Variants in HEMK2 observed in about 807,000 individuals in gnomAD.
HEMK2 encodes HemK methyltransferase 2, ETF1 glutamine and histone H4 lysine.
chr21:28,639,475 T>C, the HEMK2 span, among the ~76,000 whole-genome samples: 1,059 of 152,168 alleles, frequency 7.0e-3, 15 homozygotes, highest in African/African-American at 0.024. Context: ...GGAAATCAGG[T>C]AATAATAGAA....
chr21:28,596,439 C>T, the HEMK2 span, among the ~76,000 whole-genome samples: 1 of 152,200 alleles, frequency 6.6e-6, no homozygotes, highest in Non-Finnish European at 1.5e-5. Flanking sequence ...TAAATCCCTA[C>T]ATTTTGTTCT....
chr21:28,744,488 A>G, the HEMK2 span, among the ~76,000 whole-genome samples: 1 of 152,288 alleles, frequency 6.6e-6, no homozygotes, highest in East Asian at 1.9e-4. Context: ...GTAGTTTTTC[A>G]TTCTCTGACT....
chr21:28,783,061 T>C, the HEMK2 span, among the ~76,000 whole-genome samples: 1 of 152,186 alleles, frequency 6.6e-6, no homozygotes, highest in East Asian at 1.9e-4. Flanking sequence ...CAGAAGTATT[T>C]TGGATTTTGG....
the HEMK2 span, among the ~76,000 whole-genome samples, chr21:28,801,450 T>C: frequency 6.6e-6 from 1 of 152,040 alleles, no homozygotes; most frequent in East Asian, 1.9e-4. Context: ...AATTTTGAAC[T>C]AGGGAAGATC....
chr21:28,675,459 A>G, the HEMK2 span, among the ~76,000 whole-genome samples: 2 of 152,222 alleles, frequency 1.3e-5, no homozygotes, highest in Admixed American at 1.3e-4. Flanking sequence ...GTGACTGCCA[A>G]CAAGACTGTC....
the HEMK2 span, among the ~76,000 whole-genome samples, chr21:28,728,912 T>C: frequency 0.49 from 74,724 of 152,016 alleles, 20,879 homozygotes; most frequent in East Asian, 0.78. Context: ...GTGCCCACTC[T>C]CCACCCTCCA....
the HEMK2 span, among the ~76,000 whole-genome samples, chr21:28,638,706 G>A: frequency 6.6e-6 from 1 of 152,082 alleles, no homozygotes; most frequent in Non-Finnish European, 1.5e-5. Context: ...CAGTCAGCTG[G>A]CAAATTGTCT....
chr21:28,613,616 A>ATTTTTTTTTTTTTT, the HEMK2 span, among the ~76,000 whole-genome samples: 1 of 47,026 alleles, frequency 2.1e-5, no homozygotes, highest in African/African-American at 9.9e-5. Context: ...CTTTCTGCAT[A>ATTTTTTTTTTTTTT]TTCTTTTTTT....
the HEMK2 span, among the ~76,000 whole-genome samples, chr21:28,732,581 G>T: frequency 6.6e-6 from 1 of 152,018 alleles, no homozygotes; most frequent in Non-Finnish European, 1.5e-5. Flanking sequence ...CTCTTCCCTC[G>T]CCCAGAAAAA....
chr21:28,858,855 A>C, the HEMK2 span, among the ~76,000 whole-genome samples: 1 of 152,194 alleles, frequency 6.6e-6, no homozygotes, highest in Non-Finnish European at 1.5e-5. Context: ...TCTAAAACAT[A>C]ACAACAAAAC....
the HEMK2 span, among the ~76,000 whole-genome samples, chr21:28,831,778 T>C: frequency 8.1e-6 from 1 of 123,518 alleles, no homozygotes. Context: ...AAAGAAACAG[T>C]ATCACCTTTC....
At chr21:28,604,657 A>G in the HEMK2 span, among the ~76,000 whole-genome samples, 2 of 152,238 alleles carry the variant, frequency 1.3e-5, no homozygotes, top group South Asian at 2.1e-4. Context: ...TAGAAGTTCT[A>G]TAAGTTGTAA....
the HEMK2 span, among the ~76,000 whole-genome samples, chr21:28,729,177 G>A: frequency 6.6e-6 from 1 of 152,160 alleles, no homozygotes; most frequent in Admixed American, 6.5e-5. Flanking sequence ...AACATGGGCA[G>A]GTGCGAAAGC....
chr21:28,787,695 A>G, the HEMK2 span, among the ~76,000 whole-genome samples: 7 of 152,340 alleles, frequency 4.6e-5, no homozygotes, highest in East Asian at 1.3e-3. Flanking sequence ...CATAATCAAA[A>G]AATGAAAAAA....
At chr21:28,777,379 T>C in the HEMK2 span, among the ~76,000 whole-genome samples, 24 of 152,234 alleles carry the variant, frequency 1.6e-4, no homozygotes, top group Admixed American at 3.9e-4. Flanking sequence ...CAATTGCTAT[T>C]AGCAAGGAAG....
chr21:28,618,672 C>G, the HEMK2 span, among the ~76,000 whole-genome samples: 1 of 152,134 alleles, frequency 6.6e-6, no homozygotes, highest in East Asian at 1.9e-4. Context: ...TATAATCTGT[C>G]AATGATCCTA....
the HEMK2 span, among the ~76,000 whole-genome samples, chr21:28,711,779 G>A: frequency 5.3e-5 from 8 of 152,132 alleles, no homozygotes; most frequent in Admixed American, 5.2e-4. Flanking sequence ...CCTAGCGAGG[G>A]TAGCTTAAAC....
chr21:28,600,419 T>C, the HEMK2 span, among the ~76,000 whole-genome samples: 2 of 152,210 alleles, frequency 1.3e-5, no homozygotes, highest in African/African-American at 2.4e-5. Flanking sequence ...CTTTTGGCCA[T>C]GGCTAGAGTG....
At chr21:28,802,726 G>A in the HEMK2 span, among the ~76,000 whole-genome samples, 1 of 152,112 alleles carries the variant, frequency 6.6e-6, no homozygotes, top group African/African-American at 2.4e-5. Context: ...GTGAGACTCC[G>A]TCTCGAAAAC....
Sources: gnomAD v4.1 joint callset for allele counts (sites outside exome capture counted in the v4.1 genomes callset) on GRCh38, gnomAD v4.1.1 for gene constraint, MANE v1.5 for transcripts, NCBI Gene and HGNC (gene_info 2026-07-23, HGNC 2026-07-21) for gene names.